The following ROS1 variants were observed in gnomAD, a reference collection of about 807,000 sequenced individuals.
The protein encoded by ROS1 is proto-oncogene tyrosine-protein kinase ROS.
A neutral mutation model predicts 273.5 loss-of-function variants in ROS1; 263 were observed. The ratio of observed to expected loss-of-function variants is 0.96; its 90% CI spans 0.87 to 1.06. The LOEUF is 1.06. Ranked by LOEUF, ROS1 falls within the 50% of genes least tolerant of loss-of-function variation. The pLI is 0.00. For missense variants in ROS1, 2,833 were observed against 2,751.1 expected (o/e 1.03, Z -0.67); for synonymous variants, 1,008 against 954.1 (o/e 1.06, Z -1.04).
intron 7 of ROS1, among the ~76,000 whole-genome samples, chr6:117,400,867 GGATACCTTC>G (rs1773877718): frequency 6.6e-6 from 1 of 152,116 alleles, no homozygotes; most frequent in Non-Finnish European, 1.5e-5. Context: ...TTGGTAGTTT[GGATACCTTC>G]GACTTACCTC....
At chr6:117,367,868 C>T (rs1351887788) in intron 18 of ROS1, among the ~76,000 whole-genome samples, 1 of 152,092 alleles carries the variant, frequency 6.6e-6, no homozygotes, top group African/African-American at 2.4e-5. Context: ...CCAAAATGAA[C>T]AGCCAGGCAT....
chr6:117,396,662 G>A lies in ROS1; in HGVS notation c.806+253C>T, dbSNP rs1429605676. ...AAAATTTGACATTCATGGTGTTTAC[G>A]ATGTCTTTATTAGCCATATTTATAA... On this transcript the variant is annotated intron_variant, in intron 8 of 43. Transcript: ENST00000368507. Among the ~76,000 whole-genome samples the A allele has an allele frequency of 3.3e-5, 5 of 152,068 alleles. No individual in the cohort carries two copies. In the South Asian group the frequency reaches 8.3e-4, roughly 25 times the overall value.
In ROS1 at chr6:117,288,642, T is replaced by C. The variant is rs543882573; in HGVS notation, c.6876A>G (p.Glu2292=). 7.3e-5 allele frequency: 118 copies of C among 1,614,038 alleles called. No individual in the cohort carries two copies. Among genetic ancestry groups the C allele is most frequent in the Non-Finnish European group, 9.7e-5 (115 of 1,180,038 alleles). ...TCTCTTCTTTCCTCAGACCACAAGA[T>C]TCAGATTCCTGGGAGCCTAGAGGAC... ...SEGPLGSQES[E]SCGLRKEEKE... Residue 2292 remains glutamate (E), a synonymous_variant, in exon 44 of 44, where the codon GAA becomes GAG. Coordinates refer to ENST00000368507, the MANE Select transcript of ROS1 (RefSeq NM_001378902.1).
intron 7 of ROS1, among the ~76,000 whole-genome samples, chr6:117,399,670 G>A (rs3777974): frequency 0.065 from 9,924 of 152,218 alleles, 398 homozygotes; most frequent in Middle Eastern, 0.095. Context: ...ACTCTCCCTC[G>A]GTGTCTGCCC....
intron 15 of ROS1, among the ~76,000 whole-genome samples, chr6:117,386,289 A>G (rs1772573267): frequency 6.6e-6 from 1 of 152,234 alleles, no homozygotes; most frequent in African/African-American, 2.4e-5. Flanking sequence ...CATTACCTAC[A>G]TTTGGCTCCT....
At chr6:117,375,424 C>T (rs1781246340) in intron 18 of ROS1, among the ~76,000 whole-genome samples, 1 of 150,374 alleles carries the variant, frequency 6.7e-6, no homozygotes, top group East Asian at 2.0e-4. Context: ...CCACCTGTTC[C>T]CCAAAAACCT....
intron 1 of ROS1, among the ~76,000 whole-genome samples, chr6:117,424,647 A>G (rs1776006117): frequency 6.6e-6 from 1 of 152,110 alleles, no homozygotes; most frequent in Non-Finnish European, 1.5e-5. Flanking sequence ...AAAAAATGCT[A>G]CTAACCATGG....
chr6:117,371,719 GCATGGGAGA>G (rs1453211524), intron 18 of ROS1, among the ~76,000 whole-genome samples: 2 of 152,222 alleles, frequency 1.3e-5, no homozygotes, highest in Non-Finnish European at 2.9e-5. Flanking sequence ...CTCACTGGCT[GCATGGGAGA>G]CATGGTGGGA....
Position 117,402,356 on chromosome 6 carries a change from C to T in ROS1, c.604+783G>A, listed in dbSNP as rs143258688. ...GTGAGATAGCTGCCTGGTTGACTTC[C>T]TTGCCTCCTTTAAGTCTTTGCTCAA... On this transcript the variant is annotated intron_variant, in intron 7 of 43. Transcript: ENST00000368507. Among the ~76,000 whole-genome samples, 9 of 152,222 alleles carry T rather than the reference C, an allele frequency of 5.9e-5. No individual in the cohort carries two copies. The East Asian group carries it at 1.7e-3, about 29-fold the overall frequency.
chr6:117,292,496 A>T (rs1186177252), intron 43 of ROS1, among the ~76,000 whole-genome samples: 3 of 151,948 alleles, frequency 2.0e-5, no homozygotes, highest in Admixed American at 1.3e-4. Context: ...GCTCCTCCCC[A>T]TGTCCACCAT....
chr6:117,375,081 G>A (rs759711879), intron 18 of ROS1, among the ~76,000 whole-genome samples: 1 of 152,150 alleles, frequency 6.6e-6, no homozygotes, highest in African/African-American at 2.4e-5. Flanking sequence ...TAAAGAAAAT[G>A]TGGTGTATAT....
At chr6:117,294,567 C>T (rs1774076018) in intron 43 of ROS1, among the ~76,000 whole-genome samples, 1 of 152,024 alleles carries the variant, frequency 6.6e-6, no homozygotes, top group Non-Finnish European at 1.5e-5. Flanking sequence ...TATTAGCGTG[C>T]TCTTATCATT....
At chr6:117,307,992 C>T (rs1775240667) in intron 42 of ROS1, among the ~76,000 whole-genome samples, 1 of 152,090 alleles carries the variant, frequency 6.6e-6, no homozygotes, top group African/African-American at 2.4e-5. Flanking sequence ...AGCTGTGTCC[C>T]TGGTTTAAAC....
intron 27 of ROS1, among the ~76,000 whole-genome samples, chr6:117,350,250 C>T (rs930010643): frequency 2.6e-5 from 4 of 152,010 alleles, no homozygotes; most frequent in African/African-American, 9.7e-5. Flanking sequence ...GATAATTTCA[C>T]AGGGTATGGA....
chr6:117,386,180 C>A (rs951903958), intron 15 of ROS1, among the ~76,000 whole-genome samples: 4 of 152,208 alleles, frequency 2.6e-5, no homozygotes, highest in Non-Finnish European at 5.9e-5. Context: ...AAACCTGAGA[C>A]AAGGTGAGAT....
chr6:117,330,348 G>A (rs1776990517), intron 32 of ROS1, among the ~76,000 whole-genome samples: 1 of 152,206 alleles, frequency 6.6e-6, no homozygotes, highest in Non-Finnish European at 1.5e-5. Flanking sequence ...CTAGGGGGAG[G>A]GGTGGCTGCA....
chr6:117,382,064 G>T (rs774778874), intron 17 of ROS1, among the ~76,000 whole-genome samples: 1 of 152,046 alleles, frequency 6.6e-6, no homozygotes, highest in Non-Finnish European at 1.5e-5. Context: ...TGGAGAAGAA[G>T]TTACTCTTGA....
At chr6:117,383,547 A>G in intron 16 of ROS1, 39 bp from the exon 17 acceptor site, 1 of 1,410,500 alleles carries the variant, frequency 7.1e-7, no homozygotes, top group Non-Finnish European at 1.0e-6. Flanking sequence ...ATGGCTTTCA[A>G]GTGACATTAT....
intron 25 of ROS1, 71 bp from the exon 26 acceptor site, chr6:117,356,986 C>T: frequency 7.7e-7 from 1 of 1,307,000 alleles, no homozygotes; most frequent in Non-Finnish European, 1.1e-6. Flanking sequence ...GTTTCTAATG[C>T]AGAGCAACTA....
Sources: gnomAD v4.1 joint callset for allele counts (sites outside exome capture counted in the v4.1 genomes callset) on GRCh38, gnomAD v4.1.1 for gene constraint, MANE v1.5 for transcripts, NCBI Gene and HGNC (gene_info 2026-07-23, HGNC 2026-07-21) for gene names.